Variants in NPR1 observed in about 807,000 individuals in gnomAD.
NPR1 encodes the protein natriuretic peptide receptor 1, also known as atrial natriuretic peptide receptor 1.
In NPR1, 57 loss-of-function variants were observed where a neutral mutation model predicts 116.9. The observed-to-expected ratio is 0.49, with a 90% CI of 0.39 to 0.61. NPR1 has a LOEUF of 0.61. Ranked by LOEUF, NPR1 falls within the 20% of genes least tolerant of loss-of-function variation. The pLI is 0.00. For missense variants in NPR1, 1,096 were observed against 1,409.8 expected (o/e 0.78, Z 3.56); for synonymous variants, 555 against 601.6 (o/e 0.92, Z 1.13).
rs748461838 is a variant in NPR1, at chr1:153,688,861, C to T, written c.2418-92C>T. 89 of 1,512,908 alleles carry T rather than the reference C, an allele frequency of 5.9e-5. 1 individual carries two copies. The highest frequency in any genetic ancestry group is 7.7e-5 in the Non-Finnish European group (85 of 1,097,504). The allele number at this position is 1,512,908 out of a possible 1,614,324, so 93.7% of individuals were successfully genotyped here. ...CTGAGCGTCTCTAGAGACCTCACTG[C>T]AGTCTGGAGGGGGAAGTGCCTAGGG... On this transcript the variant is annotated intron_variant, in intron 15 of 21. Transcript: ENST00000368680.
Position 153,689,797 on chromosome 1 carries a change from C to A in NPR1, c.2758-9C>A. The A allele has an allele frequency of 6.5e-7, 1 of 1,538,460 alleles. No individual in the cohort carries two copies. Reference sequence around the variant, plus strand: ...CGTCAAGTCCTGCACCCCCTCGCCACTCCCACAGGTGGAGACAATTGGCGA... The same window carrying A: ...CGTCAAGTCCTGCACCCCCTCGCCAATCCCACAGGTGGAGACAATTGGCGA... On this transcript the variant is annotated splice_polypyrimidine_tract_variant and intron_variant, in intron 18 of 21. Coordinates refer to ENST00000368680, the MANE Select transcript of NPR1 (RefSeq NM_000906.4). This position sits in a 1 kb window ranked among gnomAD's most constrained non-coding sequence, Gnocchi z 5.1.
intron 10 of NPR1, 49 bp downstream of exon 10, chr1:153,686,249 G>T: frequency 1.3e-6 from 2 of 1,550,616 alleles, no homozygotes; most frequent in South Asian, 1.1e-5. Context: ...CCTCGGGGAC[G>T]CAAGGGAGAC....
At position 153,685,870 on chromosome 1, in the gene NPR1, C is replaced by T. The variant is rs1669913566; in HGVS notation, c.1670C>T (p.Ala557Val). Residue 557 changes from alanine to valine, a missense_variant, in exon 9 of 22, where the codon GCA becomes GTA. Transcript: ENST00000368680. ...CAGTTCCAAGTCTTTGCCAAGACAG[C>T]ATATTATAAGGTGGGCCTGGGGAAA... ...EGQFQVFAKT[A>V]YYKGNLVAVK... 2.5e-6 allele frequency: 4 copies of T among 1,613,742 alleles called. No homozygotes were observed. The highest frequency in any genetic ancestry group is 2.2e-5 in the South Asian group (2 of 91,086).
chr1:153,684,386 CTTTTTTTTTTTTTTTT>C (rs58272090), intron 7 of NPR1, among the ~76,000 whole-genome samples: 1 of 88,978 alleles, frequency 1.1e-5, no homozygotes, highest in Admixed American at 1.6e-4. Context: ...TTCTTTCTTT[CTTTTTTTTTTTTTTTT>C]TTTTTTTTGA....
intron 20 of NPR1, among the ~76,000 whole-genome samples, chr1:153,690,919 G>A (rs1259300048): frequency 7.3e-6 from 1 of 136,456 alleles, no homozygotes; most frequent in Non-Finnish European, 1.5e-5. Context: ...CCCAGCTTGG[G>A]CAATAAGAGT....
intron 20 of NPR1, among the ~76,000 whole-genome samples, chr1:153,692,736 C>T (rs1476533183): frequency 6.6e-6 from 1 of 152,154 alleles, no homozygotes; most frequent in Non-Finnish European, 1.5e-5. Flanking sequence ...TGGTCTCGAA[C>T]TCCTGGCCTC....
intron 14 of NPR1, 108 bp downstream of exon 14, chr1:153,687,897 T>C: frequency 7.9e-7 from 1 of 1,260,292 alleles, no homozygotes; most frequent in Non-Finnish European, 1.1e-6. Context: ...GTAATGGGGT[T>C]CAGTCACCAC....
chr1:153,680,393 C>G, intron 1 of NPR1, 108 bp from the exon 2 acceptor site: 1 of 895,460 alleles, frequency 1.1e-6, no homozygotes, highest in Non-Finnish European at 1.7e-6. Flanking sequence ...CACTGGGTCT[C>G]TCCTGCACCC....
In NPR1 at chr1:153,689,585, G is replaced by A; in HGVS notation, c.2757+64G>A. 4.7e-6 allele frequency: 7 copies of A among 1,492,004 alleles called. No individual in the cohort carries two copies. Among genetic ancestry groups the A allele is most frequent in the Non-Finnish European group, 6.5e-6 (7 of 1,070,834 alleles). The allele number at this position is 1,492,004 out of a possible 1,614,324, so 92.4% of individuals were successfully genotyped here. A position where few individuals can be genotyped will look rare whatever the true frequency, so the allele number is the denominator to read the frequency against. ...ATGGACAAGGTCAGAAAAAGATGAG[G>A]GGTAGGCAGAATGATGTGGAGTCTT... On this transcript the variant is annotated intron_variant, in intron 18 of 21. Transcript: ENST00000368680. The surrounding 1 kb of genome is among the most constrained non-coding windows in gnomAD (Gnocchi z 5.1).
Position 153,687,296 on chromosome 1 carries a change from GACT to G in NPR1, c.2034_2036del (p.Tyr679del). 1 of 1,614,092 alleles carries G rather than the reference GACT, an allele frequency of 6.2e-7. No individual in the cohort carries two copies. Among genetic ancestry groups the G allele is most frequent in the Non-Finnish European group, 8.5e-7 (1 of 1,179,982 alleles). On this transcript the variant is annotated inframe_deletion, in exon 13 of 22. Coordinates refer to ENST00000368680, the MANE Select transcript of NPR1 (RefSeq NM_000906.4). ...TGGGCGCTTTGTGCTCAAGATCACC[GACT>G]ATGGGCTGGAGAGCTTCAGGGACCT...
chr1:153,678,932 C>A lies in NPR1; in HGVS notation c.-177C>A. ...GCCCCCCTCGGTCGCGCCCCTTGCG[C>A]TCTCGGCCCAGACCGTCGCAGCTAC... On this transcript the variant is annotated 5_prime_UTR_variant, in exon 1 of 22. Coordinates refer to ENST00000368680, the MANE Select transcript of NPR1 (RefSeq NM_000906.4). This position sits in a 1 kb window ranked among gnomAD's most constrained non-coding sequence, Gnocchi z 5.8. 2 of 872,642 alleles carry A rather than the reference C, an allele frequency of 2.3e-6. No individual in the cohort carries two copies. Among genetic ancestry groups the A allele is most frequent in the Non-Finnish European group, 3.2e-6 (2 of 628,228 alleles). The allele number at this position is 872,642 out of a possible 1,614,324, so 54.1% of individuals were successfully genotyped here.
At chr1:153,686,561 G>A in intron 10 of NPR1, 85 bp from the exon 11 acceptor site, 4 of 1,086,002 alleles carry the variant, frequency 3.7e-6, no homozygotes, top group Non-Finnish European at 5.6e-6. Flanking sequence ...AAGGAGTTAA[G>A]AAGAGTGAGG....
chr1:153,683,325 C>A, intron 5 of NPR1, 51 bp from the exon 6 acceptor site: 1 of 1,587,640 alleles, frequency 6.3e-7, no homozygotes, highest in Non-Finnish European at 8.6e-7. Context: ...GCACTCACAG[C>A]ATGCCTTCCC....
intron 1 of NPR1, 80 bp from the exon 2 acceptor site, chr1:153,680,421 C>A: frequency 7.4e-7 from 1 of 1,349,938 alleles, no homozygotes; most frequent in Non-Finnish European, 1.1e-6. Flanking sequence ...AAACTTCCTC[C>A]CTTGGGTGCC....
At position 153,689,001 on chromosome 1, in the gene NPR1, G is replaced by C; in HGVS notation, c.2466G>C (p.Gln822His). Residue 822 changes from glutamine to histidine, a missense_variant, in exon 16 of 22, where the codon CAG becomes CAC. Physicochemically the swap from Gln to His is conservative, Grantham distance 24 (BLOSUM62 0). Coordinates refer to ENST00000368680, the MANE Select transcript of NPR1 (RefSeq NM_000906.4). The surrounding 1 kb of genome is among the most constrained non-coding windows in gnomAD (Gnocchi z 5.1). ...ILDNLLSRMEQYANNLEELVE... is the reference protein window; with the variant it reads ...ILDNLLSRMEHYANNLEELVE... ...ACAACCTGCTGTCCCGCATGGAGCA[G>C]TACGCGAACAATCTGGAGGAACTGG... The C allele has an allele frequency of 1.2e-6, 2 of 1,614,206 alleles. No individual in the cohort carries two copies. Among genetic ancestry groups the C allele is most frequent in the Non-Finnish European group, 1.7e-6 (2 of 1,180,046 alleles).
At position 153,679,040 on chromosome 1, in the gene NPR1, C is replaced by T. The variant is rs749483322; in HGVS notation, c.-69C>T. 1.5e-6 allele frequency: 2 copies of T among 1,371,674 alleles called. No homozygotes were observed. The highest frequency in any genetic ancestry group is 1.9e-6 in the Non-Finnish European group (2 of 1,070,018). 85.0% of individuals were successfully genotyped at this position (1,371,674 alleles called of 1,614,324 possible). ...GGACGCGCCTGATGCCTGGGACCGG[C>T]CGCTGAGCCCAAGGGGACCGAGGAG... is the stretch of plus-strand genomic sequence containing the variant. On this transcript the variant is annotated 5_prime_UTR_variant, in exon 1 of 22. Transcript: ENST00000368680. The surrounding 1 kb of genome is among the most constrained non-coding windows in gnomAD (Gnocchi z 4.2).
chr1:153,680,240 A>G (rs1382374145), intron 1 of NPR1, among the ~76,000 whole-genome samples: 1 of 98,440 alleles, frequency 1.0e-5, no homozygotes, highest in African/African-American at 4.1e-5. Flanking sequence ...CTTCAGCTCC[A>G]CTATCCCCCT....
rs775832157 is a variant in NPR1, at chr1:153,679,372, G to T, written c.264G>T (p.Ala88=). The T allele has an allele frequency of 5.8e-6, 9 of 1,539,840 alleles. No individual in the cohort carries two copies. The highest frequency in any genetic ancestry group is 7.0e-6 in the Non-Finnish European group (8 of 1,148,398). ...CGGTGCTGGGCAGCAGCGAAAACGC[G>T]CTGGGCGTCTGCTCCGACACCGCAG... is the stretch of plus-strand genomic sequence containing the variant. The part of the protein sequence containing the change: ...VRTVLGSSEN[A]LGVCSDTAAP... Residue 88 remains alanine (A), a synonymous_variant, in exon 1 of 22, where the codon GCG becomes GCT. Coordinates refer to ENST00000368680, the MANE Select transcript of NPR1 (RefSeq NM_000906.4). This position sits in a 1 kb window ranked among gnomAD's most constrained non-coding sequence, Gnocchi z 4.2.
In NPR1 at chr1:153,679,234, G is replaced by C. The variant is rs766117814; in HGVS notation, c.126G>C (p.Pro42=). The change falls in exon 1 of 22, where the codon CCG becomes CCC. Residue 42 remains proline (P), a synonymous_variant. Coordinates refer to ENST00000368680, the MANE Select transcript of NPR1 (RefSeq NM_000906.4). The surrounding 1 kb of genome is among the most constrained non-coding windows in gnomAD (Gnocchi z 4.2). The stretch of plus-strand genomic sequence containing the variant: ...ACCTGACGGTAGCCGTGGTACTGCC[G>C]CTGGCCAATACCTCGTACCCCTGGT... ...AGNLTVAVVL[P]LANTSYPWSW... The C allele has an allele frequency of 4.0e-5, 61 of 1,525,716 alleles. No individual in the cohort carries two copies. Among genetic ancestry groups the C allele is most frequent in the Non-Finnish European group, 5.0e-5 (57 of 1,141,242 alleles). The allele number at this position is 1,525,716 out of a possible 1,614,324, so 94.5% of individuals were successfully genotyped here.
Sources: allele counts gnomAD v4.1 joint callset (sites outside exome capture counted in the v4.1 genomes callset), GRCh38; gene constraint gnomAD v4.1.1; non-coding constraint Gnocchi (gnomAD v3.1); transcripts MANE v1.5; gene names NCBI Gene and HGNC (gene_info 2026-07-23, HGNC 2026-07-21).